Variants in PRCP observed in about 807,000 individuals in gnomAD.
PRCP encodes the protein lysosomal Pro-X carboxypeptidase.
In PRCP, 46 loss-of-function variants were observed where a neutral mutation model predicts 54.2. The observed-to-expected ratio is 0.85, with a 90% CI of 0.67 to 1.09. The LOEUF is 1.09. PRCP is among the 50% of genes least tolerant of loss of function. PRCP has a pLI of 0.00. For synonymous variants in PRCP, 240 were observed against 212.2 expected (o/e 1.13, Z -1.14); for missense variants, 613 against 596.8 (o/e 1.03, Z -0.28).
intron 8 of PRCP, chr11:82,830,973 T>TA (rs1472253345): frequency 7.4e-6 from 1 of 135,334 alleles, no homozygotes; most frequent in African/African-American, 2.8e-5. Flanking sequence ...CTGAGAGACC[T>TA]AAGATGCACA....
chr11:82,859,457 C>T (rs1859159630), intron 2 of PRCP, among the ~76,000 whole-genome samples: 1 of 152,092 alleles, frequency 6.6e-6, no homozygotes, highest in African/African-American at 2.4e-5. Flanking sequence ...GTCCTGGACA[C>T]TGACAATATA....
intron 6 of PRCP, among the ~76,000 whole-genome samples, chr11:82,845,054 G>T (rs1432996311): frequency 1.4e-5 from 2 of 146,342 alleles, no homozygotes; most frequent in Non-Finnish European, 3.0e-5. Flanking sequence ...AAAAACAACT[G>T]TAAAATAGTA....
At chr11:82,896,369 T>G (rs957687691) in intron 1 of PRCP, among the ~76,000 whole-genome samples, 3 of 152,090 alleles carry the variant, frequency 2.0e-5, no homozygotes, top group African/African-American at 7.2e-5. Context: ...CCTCCATAAT[T>G]TGGGTGGGCC....
At chr11:82,866,236 A>G (rs1287038808) in intron 1 of PRCP, among the ~76,000 whole-genome samples, 8 of 152,260 alleles carry the variant, frequency 5.3e-5, no homozygotes, top group Admixed American at 5.2e-4. Context: ...GTGTAGTGGT[A>G]GCAAAGGAAA....
rs753921766 is a variant in PRCP at position 82,825,097 on chromosome 11, C to T, written c.1300G>A (p.Gly434Arg). 8.1e-6 allele frequency: 13 copies of T among 1,613,858 alleles called. No individual in the cohort carries two copies. In the South Asian group the frequency reaches 1.4e-4, roughly 18 times the overall value. Reference protein sequence around the residue: ...FSNGELDPWSGGGVTKDITDT... With the variant: ...FSNGELDPWSRGGVTKDITDT... ...GTGATATCCTTAGTTACTCCACCTCCTGACCAGGGGTCTAGTTCACCATTG... is the reference window on the plus strand; with the variant it reads ...GTGATATCCTTAGTTACTCCACCTCTTGACCAGGGGTCTAGTTCACCATTG... The change falls in exon 9 of 9, where the codon GGA becomes AGA. Residue 434 changes from glycine to arginine, a missense_variant. Coordinates refer to ENST00000313010, the MANE Select transcript of PRCP (RefSeq NM_005040.4).
chr11:82,846,668 A>G lies in PRCP; in HGVS notation c.921+2381T>C, dbSNP rs1048452757. Among the ~76,000 whole-genome samples, 3 of 152,238 alleles carry G rather than the reference A, an allele frequency of 2.0e-5. No individual in the cohort carries two copies. In the South Asian group the frequency reaches 6.2e-4, roughly 32 times the overall value. On this transcript the variant is annotated intron_variant, in intron 6 of 8. Coordinates refer to ENST00000313010, the MANE Select transcript of PRCP (RefSeq NM_005040.4). Reference sequence around the variant, plus strand: ...TAAACTTTTATAATGCATATATATAAAGCATAAAAGGATTGCAGTAAATCA... The same window carrying G: ...TAAACTTTTATAATGCATATATATAGAGCATAAAAGGATTGCAGTAAATCA...
At chr11:82,877,035 G>A (rs745860739) in intron 1 of PRCP, among the ~76,000 whole-genome samples, 7 of 152,200 alleles carry the variant, frequency 4.6e-5, no homozygotes, top group East Asian at 3.8e-4. Context: ...GGTCTCAGAC[G>A]GAGATGAGGA....
Position 82,853,277 on chromosome 11 carries a change from C to T in PRCP, c.311G>A (p.Gly104Glu). 1.3e-6 allele frequency: 2 copies of T among 1,599,266 alleles called. No individual in the cohort carries two copies. Among genetic ancestry groups the T allele is most frequent in the South Asian group, 2.3e-5 (2 of 87,888 alleles). ...TTCCTCAGCCACATCCCACATGAAC[C>T]CCTAAGAAGAGTTTACAAAATCACA... The part of the protein sequence containing the change: ...GDIIWFCNNT[G>E]FMWDVAEELK... Residue 104 changes from glycine to glutamate, a missense_variant and splice_region_variant, in exon 3 of 9, where the codon GGG (glycine) becomes GAG (glutamate). Physicochemically the swap from Gly to Glu is moderately conservative, Grantham distance 98. Transcript: ENST00000313010.
At chr11:82,847,448 G>T (rs996214515) in intron 6 of PRCP, among the ~76,000 whole-genome samples, 1 of 152,088 alleles carries the variant, frequency 6.6e-6, no homozygotes, top group Non-Finnish European at 1.5e-5. Context: ...TTTCTACACA[G>T]TACTTTTAAA....
chr11:82,880,316 C>T (rs1654929961), intron 1 of PRCP, among the ~76,000 whole-genome samples: 1 of 152,242 alleles, frequency 6.6e-6, no homozygotes, highest in Admixed American at 6.5e-5. Context: ...GAGCGAGGCT[C>T]TGTGGGTGTG....
chr11:82,869,901 C>T (rs1591061727), intron 1 of PRCP, among the ~76,000 whole-genome samples: 1 of 152,198 alleles, frequency 6.6e-6, no homozygotes, highest in Admixed American at 6.5e-5. Context: ...AATCTAAGAG[C>T]ACCACATAAC....
At chr11:82,841,233 A>T (rs1051486797) in intron 6 of PRCP, among the ~76,000 whole-genome samples, 1 of 150,462 alleles carries the variant, frequency 6.6e-6, no homozygotes, top group Admixed American at 6.6e-5. Flanking sequence ...CCAGCCCCTC[A>T]TCACAGTTCT....
intron 1 of PRCP, among the ~76,000 whole-genome samples, chr11:82,888,113 T>C (rs912597835): frequency 6.6e-6 from 1 of 152,228 alleles, no homozygotes; most frequent in African/African-American, 2.4e-5. Flanking sequence ...AACTGTATTT[T>C]ATTATAGGGG....
intron 8 of PRCP, among the ~76,000 whole-genome samples, chr11:82,834,604 A>G (rs1294192253): frequency 6.6e-6 from 1 of 152,256 alleles, no homozygotes; most frequent in Non-Finnish European, 1.5e-5. Context: ...TTGTAGGGAC[A>G]TGGATGGAGC....
At chr11:82,835,345 C>A (rs1439040843) in intron 8 of PRCP, among the ~76,000 whole-genome samples, 1 of 152,210 alleles carries the variant, frequency 6.6e-6, no homozygotes, top group African/African-American at 2.4e-5. Context: ...CTCTCCTCAT[C>A]CCTAAAAGCT....
Position 82,838,513 on chromosome 11 carries a change from T to C in PRCP, c.1148A>G (p.His383Arg), listed in dbSNP as rs763230668. 21 of 1,614,024 alleles carry C rather than the reference T, an allele frequency of 1.3e-5. No homozygotes were observed. Among genetic ancestry groups the C allele is most frequent in the Non-Finnish European group, 1.8e-5 (21 of 1,179,958 alleles). Reference sequence around the variant, plus strand: ...AGAAAGTTCCTTTAAGTTCCATGAGTGAGGTTCAAACATGTCATCGACACC... The same window carrying C: ...AGAAAGTTCCTTTAAGTTCCATGAGCGAGGTTCAAACATGTCATCGACACC... ...TNGVDDMFEP[H>R]SWNLKELSDD... The change falls in exon 8 of 9, where the codon CAC becomes CGC. Residue 383 changes from histidine to arginine, a missense_variant. His to Arg is a conservative substitution (Grantham distance 29). Transcript: ENST00000313010.
At chr11:82,866,447 A>C (rs543082348) in intron 1 of PRCP, among the ~76,000 whole-genome samples, 6 of 152,206 alleles carry the variant, frequency 3.9e-5, no homozygotes, top group African/African-American at 1.4e-4. Flanking sequence ...ACATACTTCT[A>C]TAAGTGTTAA....
intron 1 of PRCP, among the ~76,000 whole-genome samples, chr11:82,866,318 C>G (rs1425285219): frequency 6.6e-6 from 1 of 152,156 alleles, no homozygotes; most frequent in Non-Finnish European, 1.5e-5. Context: ...AAGATGCTCT[C>G]GTCATTGCCA....
intron 1 of PRCP, among the ~76,000 whole-genome samples, chr11:82,878,719 G>T (rs7112902): frequency 0.55 from 83,764 of 152,054 alleles, 23,937 homozygotes; most frequent in African/African-American, 0.71. Context: ...CTTCAGGAAC[G>T]CTTGTAGGGC....
Sources: allele counts gnomAD v4.1 joint callset (sites outside exome capture counted in the v4.1 genomes callset), GRCh38; gene constraint gnomAD v4.1.1; transcripts MANE v1.5; gene names NCBI Gene and HGNC (gene_info 2026-07-23, HGNC 2026-07-21).